MAP4K4: variants seen among roughly 807,000 people sequenced by gnomAD.
The protein encoded by MAP4K4 is HPK/GCK-like kinase HGK.
Under a neutral mutation model 189.6 loss-of-function variants are expected in MAP4K4, and 38 were observed. The observed-to-expected ratio is 0.20, with a 90% confidence interval of 0.15 to 0.26. The LOEUF (loss-of-function observed/expected upper bound fraction) is 0.26, where lower values mean the gene tolerates loss of function less well. Ranked by LOEUF, MAP4K4 falls within the 10% of genes least tolerant of loss-of-function variation. The pLI is 1.00. For synonymous variants in MAP4K4, 610 were observed against 624.3 expected (o/e 0.98, Z 0.34); for missense variants, 1,054 against 1,726.9 (o/e 0.61, Z 6.91).
intron 25 of MAP4K4, 94 bp downstream of exon 25, chr2:101,873,858 G>T: frequency 1.1e-6 from 1 of 927,616 alleles, no homozygotes; most frequent in Non-Finnish European, 1.7e-6. Context: ...GTTGTTCACA[G>T]GCACAGACCT....
intron 1 of MAP4K4, 53 bp downstream of exon 1, chr2:101,698,190 G>GCCGGCAGCCGGCAT: frequency 8.9e-6 from 8 of 896,658 alleles, no homozygotes; most frequent in Non-Finnish European, 1.1e-5. Context: ...GCAGCCGGCA[G>GCCGGCAGCCGGCAT]CCGGGGCCGC....
In MAP4K4 at chr2:101,741,253, C is replaced by T. The variant is rs183884239; in HGVS notation, c.123+42715C>T. Among the ~76,000 whole-genome samples the T allele has an allele frequency of 2.5e-3, 371 of 150,814 alleles. 2 individuals carry two copies. Among genetic ancestry groups the T allele is most frequent in the African/African-American group, 8.0e-3 (328 of 41,000 alleles). On this transcript the variant is annotated intron_variant, in intron 2 of 32. Coordinates refer to ENST00000324219, the Ensembl canonical transcript of MAP4K4. ...CGTGATCTTGGCTCACTGCAAGCTC[C>T]GCCTCCTGGGTTCACGCCATTCTCC... is the stretch of plus-strand genomic sequence containing the variant.
chr2:101,858,978 G>C lies in MAP4K4; in HGVS notation c.1396-18G>C, dbSNP rs2097557267. The C allele has an allele frequency of 3.1e-6, 5 of 1,591,436 alleles. No homozygotes were observed. The highest frequency in any genetic ancestry group is 4.3e-6 in the Non-Finnish European group (5 of 1,161,874). ...TTCTTTGGGATAATTTGATTGCTGG[G>C]TGATTTCTGTGTGACAGGAGTATAT... On this transcript the variant is annotated intron_variant, in intron 13 of 32. Coordinates refer to ENST00000324219, the Ensembl canonical transcript of MAP4K4.
chr2:101,864,227 C>T (rs2097755129), intron 17 of MAP4K4, among the ~76,000 whole-genome samples, 176 bp downstream of exon 17: 1 of 152,090 alleles, frequency 6.6e-6, no homozygotes, highest in Non-Finnish European at 1.5e-5. Context: ...TTCTGTTTAG[C>T]CAGTGGTCAG....
At chr2:101,824,903 TATAAA>T (rs1351875862) in intron 4 of MAP4K4, among the ~76,000 whole-genome samples, 6 of 152,234 alleles carry the variant, frequency 3.9e-5, no homozygotes, top group Non-Finnish European at 5.9e-5. Flanking sequence ...ACCCAGTTAA[TATAAA>T]ATATAATAGT....
At chr2:101,744,215 A>T (rs569896890) in intron 2 of MAP4K4, among the ~76,000 whole-genome samples, 1 of 152,328 alleles carries the variant, frequency 6.6e-6, no homozygotes, top group African/African-American at 2.4e-5. Flanking sequence ...TAAAAACCTA[A>T]AAAGAGAGGC....
intron 2 of MAP4K4, among the ~76,000 whole-genome samples, chr2:101,781,398 C>T (rs1423367422): frequency 1.3e-5 from 2 of 152,126 alleles, no homozygotes; most frequent in East Asian, 3.9e-4. Context: ...AGTAGACCAC[C>T]ACAGACTGAG....
chr2:101,811,346 T>C (rs1454783072), intron 3 of MAP4K4, among the ~76,000 whole-genome samples: 1 of 115,794 alleles, frequency 8.6e-6, no homozygotes, highest in African/African-American at 3.3e-5. Flanking sequence ...CATTCCAGCA[T>C]GGCGACAGAG....
exon 33 of MAP4K4, chr2:101,891,362 T>C: frequency 1.2e-6 from 1 of 801,702 alleles, no homozygotes; most frequent in South Asian, 1.5e-5. Context: ...GACAGCTGTG[T>C]GTGCAGACCT....
Position 101,797,361 on chromosome 2 carries a change from C to T in MAP4K4, c.180+6585C>T, listed in dbSNP as rs368087782. On this transcript the variant is annotated intron_variant, in intron 3 of 32. Coordinates refer to ENST00000324219, the Ensembl canonical transcript of MAP4K4. ...TTGCATGACTCTGGCAGACTTACCACAGGATCATTCAACGTTGTCAGGGTG... is the reference window on the plus strand; with the variant it reads ...TTGCATGACTCTGGCAGACTTACCATAGGATCATTCAACGTTGTCAGGGTG... 4,646 of 1,290,828 alleles carry T rather than the reference C, an allele frequency of 3.6e-3. 9 individuals carry two copies. Among genetic ancestry groups the T allele is most frequent in the Non-Finnish European group, 4.3e-3 (4,260 of 988,794 alleles). The allele number at this position is 1,290,828 out of a possible 1,614,324, so 80.0% of individuals were successfully genotyped here. A position where few individuals can be genotyped will look rare whatever the true frequency, so the allele number is the denominator to read the frequency against.
At position 101,890,453 on chromosome 2, in the gene MAP4K4, T is replaced by TTTTG. The variant is rs766595237; in HGVS notation, c.4072-697_4072-694dup. Among the ~76,000 whole-genome samples the TTTTG allele has an allele frequency of 3.9e-5, 6 of 152,196 alleles. 1 individual carries two copies. In the East Asian group the frequency reaches 7.7e-4, roughly 20 times the overall value. On this transcript the variant is annotated intron_variant, in intron 32 of 32. Coordinates refer to ENST00000324219, the Ensembl canonical transcript of MAP4K4. ...TGCCCCAGAGGTTTTTGTGGGTTGT[T>TTTTG]TTTGTTTGTTTGTTTGTTTTGGTGA...
chr2:101,848,113 CATACAATG>C (rs1246403778), intron 12 of MAP4K4, among the ~76,000 whole-genome samples: 2 of 152,142 alleles, frequency 1.3e-5, no homozygotes, highest in Non-Finnish European at 2.9e-5. Context: ...ATATGATGTT[CATACAATG>C]AAGAAATCAC....
At chr2:101,810,713 A>G (rs537547839) in intron 3 of MAP4K4, among the ~76,000 whole-genome samples, 1 of 152,174 alleles carries the variant, frequency 6.6e-6, no homozygotes, top group Admixed American at 6.5e-5. Flanking sequence ...TTTAGTTTTG[A>G]GGTTTTCTTT....
chr2:101,878,292 C>G (rs376995903), intron 27 of MAP4K4, among the ~76,000 whole-genome samples: 12 of 152,270 alleles, frequency 7.9e-5, no homozygotes, highest in African/African-American at 2.9e-4. Flanking sequence ...CACCCAAGTA[C>G]TAACTATAAC....
intron 10 of MAP4K4, 88 bp downstream of exon 10, chr2:101,840,082 G>GA: frequency 7.6e-7 from 1 of 1,312,740 alleles, no homozygotes; most frequent in Non-Finnish European, 1.0e-6. Flanking sequence ...TCCCAGCTGT[G>GA]AGAGTGCTCA....
intron 2 of MAP4K4, among the ~76,000 whole-genome samples, chr2:101,788,403 C>T (rs1385770371): frequency 1.3e-5 from 2 of 152,108 alleles, no homozygotes; most frequent in African/African-American, 2.4e-5. Context: ...AACATGGGGT[C>T]GGAAACTCCT....
chr2:101,887,572 G>A (rs1178419749), intron 30 of MAP4K4, among the ~76,000 whole-genome samples: 5 of 152,178 alleles, frequency 3.3e-5, no homozygotes, highest in Non-Finnish European at 7.3e-5. Flanking sequence ...TGGGCCTCAG[G>A]AGATATGAGT....
chr2:101,864,921 T>C lies in MAP4K4; in HGVS notation c.2098-9T>C. The C allele has an allele frequency of 6.6e-7, 1 of 1,515,126 alleles. No homozygotes were observed. The highest frequency in any genetic ancestry group is 8.9e-7 in the Non-Finnish European group (1 of 1,120,972). The allele number at this position is 1,515,126 out of a possible 1,614,324, so 93.9% of individuals were successfully genotyped here. A position where few individuals can be genotyped will look rare whatever the true frequency, so the allele number is the denominator to read the frequency against. On this transcript the variant is annotated splice_polypyrimidine_tract_variant and intron_variant, in intron 17 of 32. Coordinates refer to ENST00000324219, the Ensembl canonical transcript of MAP4K4. ...TCAATAATTTAATTGCTATATTTTCTACTTAAAGGTTCCTGTGAGAACAAC... is the reference window on the plus strand; with the variant it reads ...TCAATAATTTAATTGCTATATTTTCCACTTAAAGGTTCCTGTGAGAACAAC...
At position 101,869,402 on chromosome 2, in the gene MAP4K4, C is replaced by CT. The variant is rs376934360; in HGVS notation, c.2464-212dup. ...TTTGAACTGTATATGACATCTTTGA[C>CT]TTTTTTTTGGTGTCTTCTATTTTTT... On this transcript the variant is annotated intron_variant, in intron 21 of 32. Transcript: ENST00000324219. 2.1e-3 allele frequency among the ~76,000 whole-genome samples: 313 copies of CT among 149,740 alleles called. 2 individuals carry two copies. The highest frequency in any genetic ancestry group is 0.01 in the Middle Eastern group (3 of 290).
Sources: gnomAD v4.1 joint callset for allele counts (sites outside exome capture counted in the v4.1 genomes callset) on GRCh38, gnomAD v4.1.1 for gene constraint, MANE v1.5 for transcripts, NCBI Gene and HGNC (gene_info 2026-07-23, HGNC 2026-07-21) for gene names.